The following FYB1 variants were observed in gnomAD, a reference collection of about 807,000 sequenced individuals.
FYB1 encodes the protein FYN-binding protein 1.
In FYB1, 41 loss-of-function variants were observed where a neutral mutation model predicts 94.1. That is an observed-to-expected ratio of 0.44 (90% CI 0.34 to 0.57). FYB1 has a LOEUF of 0.57. Ranked by LOEUF, FYB1 falls within the 20% of genes least tolerant of loss-of-function variation. FYB1 has a pLI of 0.02. For synonymous variants in FYB1, 367 were observed against 353.2 expected (o/e 1.04, Z -0.44); for missense variants, 1,050 against 976.8 (o/e 1.07, Z -1.00).
chr5:39,160,297 A>G lies in FYB1; in HGVS notation c.1136-6693T>C, dbSNP rs575929545. Among the ~76,000 whole-genome samples, 18 of 152,308 alleles carry G rather than the reference A, an allele frequency of 1.2e-4. No individual in the cohort carries two copies. The South Asian group carries it at 3.7e-3, about 32-fold the overall frequency. On this transcript the variant is annotated intron_variant, in intron 2 of 18. Transcript: ENST00000512982. ...TCCTATTCTTCTTAGCTACTAATTG[A>G]TCTGGCTGTCCCATTCATACACTAC...
At chr5:39,256,815 T>C (rs995379230) in intron 1 of FYB1, among the ~76,000 whole-genome samples, 2 of 152,220 alleles carry the variant, frequency 1.3e-5, no homozygotes, top group African/African-American at 4.8e-5. Flanking sequence ...TAGTTGTGGG[T>C]ACATGTGATA....
At chr5:39,120,150 A>T (rs955373506) in intron 14 of FYB1, among the ~76,000 whole-genome samples, 6 of 152,114 alleles carry the variant, frequency 3.9e-5, no homozygotes, top group Non-Finnish European at 8.8e-5. Flanking sequence ...AAAAGTTAAG[A>T]TTTTAGATAT....
At position 39,105,951 on chromosome 5, in the gene FYB1, A is replaced by G. The variant is rs1382973253; in HGVS notation, c.*1492T>C. On this transcript the variant is annotated 3_prime_UTR_variant, in exon 19 of 19. Coordinates refer to ENST00000512982, the MANE Select transcript of FYB1 (RefSeq NM_001465.6). Reference sequence around the variant, plus strand: ...AAGCACCTAATGGAAACCCCACTTCATCTCTGTGAAGATTTTCAGTTCCTT... The same window carrying G: ...AAGCACCTAATGGAAACCCCACTTCGTCTCTGTGAAGATTTTCAGTTCCTT... 1 of 152,114 alleles carries G rather than the reference A, an allele frequency of 6.6e-6. No homozygotes were observed. Among genetic ancestry groups the G allele is most frequent in the Non-Finnish European group, 1.5e-5 (1 of 68,014 alleles). The allele number at this position is 152,114 out of a possible 1,614,324, so 9.4% of individuals were successfully genotyped here. A position where few individuals can be genotyped will look rare whatever the true frequency, so the allele number is the denominator to read the frequency against.
intron 1 of FYB1, among the ~76,000 whole-genome samples, chr5:39,208,433 G>C (rs575105329): frequency 4.6e-5 from 7 of 152,130 alleles, no homozygotes; most frequent in African/African-American, 7.2e-5. Context: ...AAAAATCTTT[G>C]ATAATTTTTT....
chr5:39,259,314 C>G (rs941591914), intron 1 of FYB1, among the ~76,000 whole-genome samples: 1 of 152,218 alleles, frequency 6.6e-6, no homozygotes, highest in Non-Finnish European at 1.5e-5. Flanking sequence ...AAACCCTGGA[C>G]TAAGTACAGC....
At chr5:39,125,830 A>C (rs1267264883) in intron 12 of FYB1, 168 bp downstream of exon 12, 2 of 592,206 alleles carry the variant, frequency 3.4e-6, no homozygotes, top group East Asian at 5.7e-5. Context: ...GTAATGCAGG[A>C]GCTTAAAGGT....
chr5:39,197,214 T>A (rs1001753055), intron 2 of FYB1, among the ~76,000 whole-genome samples: 28 of 152,228 alleles, frequency 1.8e-4, no homozygotes, highest in Non-Finnish European at 3.7e-4. Context: ...GAGCAAGGCA[T>A]TTCATTTTGC....
At position 39,216,881 on chromosome 5, in the gene FYB1, T is replaced by C. The variant is rs547797501; in HGVS notation, c.-28+2562A>G. Among the ~76,000 whole-genome samples, 3 of 152,342 alleles carry C rather than the reference T, an allele frequency of 2.0e-5. No individual in the cohort carries two copies. In the South Asian group the frequency reaches 6.2e-4, roughly 32 times the overall value. On this transcript the variant is annotated intron_variant, in intron 1 of 18. Transcript: ENST00000512982. ...CAAGGCGCAGGCTGCAGCAACGTGA[T>C]TAACAAGGTTATGTATTGAATTTAT... is the stretch of plus-strand genomic sequence containing the variant.
chr5:39,185,774 TGA>T (rs1278765200), intron 2 of FYB1, among the ~76,000 whole-genome samples: 1 of 151,588 alleles, frequency 6.6e-6, no homozygotes, highest in East Asian at 1.9e-4. Flanking sequence ...AAAGAGAGCA[TGA>T]GAGAGAGCTA....
At chr5:39,252,432 TA>T (rs1751763806) in intron 1 of FYB1, among the ~76,000 whole-genome samples, 1 of 152,216 alleles carries the variant, frequency 6.6e-6, no homozygotes, top group Admixed American at 6.5e-5. Context: ...TGGAATTTTT[TA>T]AAATTTTCTT....
At chr5:39,201,609 A>G (rs983350368) in intron 2 of FYB1, among the ~76,000 whole-genome samples, 9 of 151,854 alleles carry the variant, frequency 5.9e-5, no homozygotes, top group Non-Finnish European at 1.0e-4. Context: ...CCCCAACAAA[A>G]CCCCAGCTGA....
intron 1 of FYB1, among the ~76,000 whole-genome samples, chr5:39,205,563 A>T (rs1748768176): frequency 6.6e-6 from 1 of 152,204 alleles, no homozygotes; most frequent in South Asian, 2.1e-4. Flanking sequence ...CTTAGGTGGC[A>T]ACTTTATGTC....
rs147735768 is a variant in FYB1, at chr5:39,118,859, T to G, written c.2401+15A>C. ...ACATATATATGCACATATTATAGTATAAGCAGTGACTTACATTTCCCTTCT... is the reference window on the plus strand; with the variant it reads ...ACATATATATGCACATATTATAGTAGAAGCAGTGACTTACATTTCCCTTCT... On this transcript the variant is annotated intron_variant, in intron 16 of 18. Transcript: ENST00000512982. 1.7e-4 allele frequency: 240 copies of G among 1,444,908 alleles called. 1 individual carries two copies. In the African/African-American group the frequency reaches 3.1e-3, roughly 18 times the overall value. 89.5% of individuals were successfully genotyped at this position (1,444,908 alleles called of 1,614,324 possible). A position where few individuals can be genotyped will look rare whatever the true frequency, so the allele number is the denominator to read the frequency against.
chr5:39,185,760 G>T (rs185083554), intron 2 of FYB1, among the ~76,000 whole-genome samples: 26 of 151,956 alleles, frequency 1.7e-4, no homozygotes, highest in Admixed American at 5.2e-4. Context: ...GGTAATAAAA[G>T]CCCAAAGAGA....
chr5:39,155,805 A>G (rs941778084), intron 2 of FYB1, among the ~76,000 whole-genome samples: 6 of 152,210 alleles, frequency 3.9e-5, no homozygotes, highest in Non-Finnish European at 7.3e-5. Flanking sequence ...TAAATCATTT[A>G]GCAAACGTTC....
chr5:39,169,827 G>A (rs1288412008), intron 2 of FYB1: 1 of 523,060 alleles, frequency 1.9e-6, no homozygotes, highest in Non-Finnish European at 3.7e-6. Context: ...TTTTGATGGT[G>A]GTTATACTGG....
At chr5:39,233,738 A>G (rs993967059) in intron 1 of FYB1, among the ~76,000 whole-genome samples, 1 of 152,118 alleles carries the variant, frequency 6.6e-6, no homozygotes. Flanking sequence ...CTGTTGTGGC[A>G]TATTGTTTTG....
At chr5:39,155,876 T>A (rs1743702550) in intron 2 of FYB1, among the ~76,000 whole-genome samples, 1 of 152,154 alleles carries the variant, frequency 6.6e-6, no homozygotes, top group African/African-American at 2.4e-5. Flanking sequence ...TATCATAGAA[T>A]AAACATTAAA....
chr5:39,153,918 C>T (rs945432052), intron 2 of FYB1, among the ~76,000 whole-genome samples: 1 of 151,696 alleles, frequency 6.6e-6, no homozygotes, highest in African/African-American at 2.4e-5. Context: ...GGACTACACG[C>T]GTGCACCACA....
Sources: gnomAD v4.1 joint callset for allele counts (sites outside exome capture counted in the v4.1 genomes callset) on GRCh38, gnomAD v4.1.1 for gene constraint, MANE v1.5 for transcripts, NCBI Gene and HGNC (gene_info 2026-07-23, HGNC 2026-07-21) for gene names.